Variants in OXR1 observed in about 807,000 individuals in gnomAD.
OXR1 encodes oxidation resistance protein 1.
OXR1 carries 41 observed loss-of-function variants against 104.6 expected under a neutral mutation model. The ratio of observed to expected loss-of-function variants is 0.39; its 90% CI spans 0.31 to 0.51. The LOEUF is 0.51. OXR1 is among the 20% of genes least tolerant of loss of function. The pLI is 0.77. For missense variants in OXR1, 955 were observed against 1,031.9 expected, an observed-to-expected ratio of 0.93 and a Z score of 1.02; for synonymous variants, 348 against 348.4, an observed-to-expected ratio of 1.00 and a Z score of 0.01.
At chr8:106,406,860 A>G (rs901027880) in intron 2 of OXR1, among the ~76,000 whole-genome samples, 24 of 152,312 alleles carry the variant, frequency 1.6e-4, no homozygotes, top group African/African-American at 5.5e-4. Flanking sequence ...TGATAATAGC[A>G]CGTCCATATA....
intron 1 of OXR1, among the ~76,000 whole-genome samples, chr8:106,314,558 A>G (rs1401427635): frequency 1.3e-5 from 2 of 152,216 alleles, no homozygotes; most frequent in Non-Finnish European, 2.9e-5. Flanking sequence ...TAAAATATTT[A>G]TGGAATGAAT....
chr8:106,460,571 GTGCCTCA>G (rs1272603421), intron 2 of OXR1, among the ~76,000 whole-genome samples: 2 of 152,224 alleles, frequency 1.3e-5, no homozygotes. Context: ...AAAAGTGGCT[GTGCCTCA>G]TGCCTGGGCA....
intron 1 of OXR1, among the ~76,000 whole-genome samples, chr8:106,358,927 A>T (rs1478934554): frequency 6.6e-6 from 1 of 151,924 alleles, no homozygotes; most frequent in Non-Finnish European, 1.5e-5. Flanking sequence ...TTCACTAAAT[A>T]ATTTAGTGAA....
intron 2 of OXR1, among the ~76,000 whole-genome samples, chr8:106,518,511 G>A (rs1563575896): frequency 6.6e-6 from 1 of 152,132 alleles, no homozygotes; most frequent in Admixed American, 6.5e-5. Context: ...ATGCTGTATA[G>A]ATTAAGCAGA....
chr8:106,606,606 C>G (rs1411209130), intron 3 of OXR1, among the ~76,000 whole-genome samples: 1 of 151,916 alleles, frequency 6.6e-6, no homozygotes, highest in Non-Finnish European at 1.5e-5. Context: ...GCCACTGCAC[C>G]TGGCCACTAT....
At chr8:106,404,046 A>C (rs766697343) in intron 2 of OXR1, among the ~76,000 whole-genome samples, 2 of 152,132 alleles carry the variant, frequency 1.3e-5, no homozygotes, top group Non-Finnish European at 2.9e-5. Flanking sequence ...CAGGCAATGC[A>C]GGGTTAATCC....
intron 2 of OXR1, among the ~76,000 whole-genome samples, chr8:106,427,689 G>A (rs1819188435): frequency 6.6e-6 from 1 of 152,046 alleles, no homozygotes; most frequent in Admixed American, 6.6e-5. Flanking sequence ...GATTACTTGG[G>A]GCTATGTGAA....
intron 3 of OXR1, among the ~76,000 whole-genome samples, chr8:106,584,779 G>T (rs990965869): frequency 6.6e-6 from 1 of 152,068 alleles, no homozygotes; most frequent in African/African-American, 2.4e-5. Flanking sequence ...AGAAATAGGA[G>T]ATATCCATAA....
chr8:106,526,299 C>G (rs572711469), intron 3 of OXR1, among the ~76,000 whole-genome samples: 1 of 152,118 alleles, frequency 6.6e-6, no homozygotes, highest in South Asian at 2.1e-4. Flanking sequence ...TGTTTTTCAC[C>G]TTCCTTGGAA....
At chr8:106,733,543 C>T (rs1392230595) in intron 11 of OXR1, among the ~76,000 whole-genome samples, 2 of 152,124 alleles carry the variant, frequency 1.3e-5, no homozygotes, top group Non-Finnish European at 2.9e-5. Flanking sequence ...CTCTTAGCAT[C>T]TCAGTTATAC....
intron 3 of OXR1, chr8:106,657,537 A>G (rs1334275639): frequency 2.0e-5 from 3 of 149,110 alleles, no homozygotes; most frequent in African/African-American, 7.4e-5. Context: ...TTTCCCCTGC[A>G]GTCCTGAAAG....
At chr8:106,369,221 C>A (rs1816607306) in intron 2 of OXR1, among the ~76,000 whole-genome samples, 1 of 152,116 alleles carries the variant, frequency 6.6e-6, no homozygotes, top group Non-Finnish European at 1.5e-5. Context: ...TTTTCATATT[C>A]TTTGCCCACT....
chr8:106,502,985 C>T (rs2129963665), intron 2 of OXR1, among the ~76,000 whole-genome samples: 1 of 152,290 alleles, frequency 6.6e-6, no homozygotes, highest in South Asian at 2.1e-4. Context: ...TGCAACCAAA[C>T]TACTTATCTT....
chr8:106,402,585 A>G (rs1818044340), intron 2 of OXR1, among the ~76,000 whole-genome samples: 1 of 152,184 alleles, frequency 6.6e-6, no homozygotes, highest in Non-Finnish European at 1.5e-5. Flanking sequence ...ACCCACAGTG[A>G]TGTTTGGGTC....
In OXR1 at chr8:106,739,583, G is replaced by T. The variant is rs76818963; in HGVS notation, c.2163G>T (p.Lys721Asn). The T allele has an allele frequency of 6.2e-7, 1 of 1,612,836 alleles. No homozygotes were observed. The change falls in exon 13 of 17, where the codon AAG becomes AAT. Residue 721 changes from lysine (K) to asparagine (N), a missense_variant and splice_region_variant. Lys to Asn is a moderately conservative substitution (Grantham distance 94, BLOSUM62 0). Coordinates refer to ENST00000517566, the MANE Select transcript of OXR1 (RefSeq NM_001198533.2). ...TTTTACTGCCAGATCAAATTGAAAA[G>T]GTATGACATGCTCACATATGTGCAT... ...SELLLPDQIE[K>N]LTKHLPPRTI...
intron 3 of OXR1, among the ~76,000 whole-genome samples, chr8:106,558,979 C>T (rs1488853539): frequency 6.6e-6 from 1 of 152,154 alleles, no homozygotes; most frequent in East Asian, 1.9e-4. Flanking sequence ...TGAGAATTTT[C>T]CAAATCTTTA....
intron 11 of OXR1, among the ~76,000 whole-genome samples, chr8:106,721,811 A>G (rs1278400719): frequency 6.6e-6 from 1 of 152,154 alleles, no homozygotes; most frequent in African/African-American, 2.4e-5. Flanking sequence ...CCTTTTAGTT[A>G]TATAAGTGTA....
rs184977375 is a variant in OXR1, at chr8:106,728,929, T to C, written c.1957-8591T>C. 1.1e-4 allele frequency among the ~76,000 whole-genome samples: 16 copies of C among 152,290 alleles called. No individual in the cohort carries two copies. In the East Asian group the frequency reaches 2.9e-3, roughly 28 times the overall value. ...CATATATGAACAGACTTTTTTTAAA[T>C]TTAGGCTTTCATATATGAAAACACA... On this transcript the variant is annotated intron_variant, in intron 11 of 16. Coordinates refer to ENST00000517566, the MANE Select transcript of OXR1 (RefSeq NM_001198533.2).
At chr8:106,470,263 A>G (rs1388843757) in intron 2 of OXR1, among the ~76,000 whole-genome samples, 1 of 151,854 alleles carries the variant, frequency 6.6e-6, no homozygotes, top group African/African-American at 2.4e-5. Flanking sequence ...AAGTACATAC[A>G]TCCTATGAAG....
Sources: gnomAD v4.1 joint callset for allele counts (sites outside exome capture counted in the v4.1 genomes callset) on GRCh38, gnomAD v4.1.1 for gene constraint, MANE v1.5 for transcripts, NCBI Gene and HGNC (gene_info 2026-07-23, HGNC 2026-07-21) for gene names.